Variants in USP45 observed in about 807,000 individuals in gnomAD.
The protein encoded by USP45 is ubiquitin specific peptidase 45.
USP45 carries 89 observed loss-of-function variants against 95.8 expected under a neutral mutation model. The observed-to-expected ratio is 0.93, with a 90% CI of 0.78 to 1.11. The LOEUF is 1.11. Ranked by LOEUF, USP45 falls within the 50% of genes least tolerant of loss-of-function variation. The pLI is 0.00. For synonymous variants in USP45, 281 were observed against 316.2 expected, an observed-to-expected ratio of 0.89 and a Z score of 1.18; for missense variants, 898 against 942.5, an observed-to-expected ratio of 0.95 and a Z score of 0.62.
At chr6:99,503,546 GCT>G in intron 5 of USP45, among the ~76,000 whole-genome samples, 1 of 152,178 alleles carries the variant, frequency 6.6e-6, no homozygotes, top group South Asian at 2.1e-4. Context: ...TGGCCAGGCT[GCT>G]CTCAAACCCT....
chr6:99,452,431 C>G (rs1173072933), intron 13 of USP45, among the ~76,000 whole-genome samples: 3 of 152,196 alleles, frequency 2.0e-5, no homozygotes, highest in African/African-American at 7.2e-5. Context: ...AAAAAATGCT[C>G]ATCATCACTG....
intron 10 of USP45, among the ~76,000 whole-genome samples, chr6:99,467,331 G>T (rs1236377917): frequency 2.0e-5 from 3 of 151,988 alleles, no homozygotes; most frequent in Non-Finnish European, 4.4e-5. Context: ...AACCATGAAC[G>T]CAGTTTAAGT....
chr6:99,481,834 G>C (rs1288968202), intron 8 of USP45, among the ~76,000 whole-genome samples: 1 of 151,952 alleles, frequency 6.6e-6, no homozygotes, highest in Non-Finnish European at 1.5e-5. Flanking sequence ...TTGTCGCAAA[G>C]AATATGATTT....
intron 13 of USP45, chr6:99,461,677 A>G: frequency 2.0e-6 from 2 of 984,512 alleles, no homozygotes; most frequent in Non-Finnish European, 2.4e-6. Context: ...TTTTAATGAG[A>G]TAACTCATAT....
intron 5 of USP45, among the ~76,000 whole-genome samples, chr6:99,499,309 C>T (rs967013194): frequency 6.6e-6 from 1 of 152,134 alleles, no homozygotes; most frequent in African/African-American, 2.4e-5. Context: ...TTTCATATTC[C>T]TTTTATCATA....
chr6:99,474,091 CCTTA>C (rs1790200790), intron 9 of USP45, among the ~76,000 whole-genome samples: 1 of 152,074 alleles, frequency 6.6e-6, no homozygotes, highest in African/African-American at 2.4e-5. Flanking sequence ...TTAACTCAAT[CCTTA>C]CTTTTAAAGG....
At chr6:99,489,082 A>G (rs9399192) in intron 5 of USP45, among the ~76,000 whole-genome samples, 120,686 of 152,086 alleles carry the variant, frequency 0.79, 48,170 homozygotes, top group East Asian at 0.99. Flanking sequence ...ACTAAATGTA[A>G]AAGAACAGTC....
At chr6:99,456,241 G>C (rs893235361) in intron 13 of USP45, among the ~76,000 whole-genome samples, 6 of 151,574 alleles carry the variant, frequency 4.0e-5, no homozygotes, top group African/African-American at 1.2e-4. Flanking sequence ...AAGCTAAAAA[G>C]AGAGGTATGT....
intron 9 of USP45, among the ~76,000 whole-genome samples, 190 bp downstream of exon 9, chr6:99,475,953 T>A (rs1344679924): frequency 6.6e-6 from 1 of 152,136 alleles, no homozygotes; most frequent in African/African-American, 2.4e-5. Context: ...GCCTGCCAAG[T>A]AGCTGGAATT....
chr6:99,507,382 G>T, intron 4 of USP45, 46 bp downstream of exon 4: 1 of 1,159,120 alleles, frequency 8.6e-7, no homozygotes, highest in Non-Finnish European at 1.2e-6. Flanking sequence ...AAAAAAATTG[G>T]GGGGCTGTGG....
intron 15 of USP45, among the ~76,000 whole-genome samples, chr6:99,441,770 T>C (rs1260358979): frequency 1.3e-5 from 2 of 152,230 alleles, no homozygotes; most frequent in Non-Finnish European, 2.9e-5. Context: ...CTGGACTTTG[T>C]ACTTCTAGAA....
At position 99,491,756 on chromosome 6, in the gene USP45, CT is replaced by C. The variant is rs533954676; in HGVS notation, c.479-2937del. ...AACAAATATGACTCCTCAAAAATAT[CT>C]TTTTTTTTTTGGCTTCTTCCAAAAC... is the stretch of plus-strand genomic sequence containing the variant. On this transcript the variant is annotated intron_variant, in intron 5 of 17. Transcript: ENST00000500704. Among the ~76,000 whole-genome samples the C allele has an allele frequency of 3.0e-3, 437 of 145,790 alleles. 3 individuals carry two copies. Among genetic ancestry groups the C allele is most frequent in the East Asian group, 7.1e-3 (36 of 5,038 alleles).
intron 13 of USP45, chr6:99,461,087 G>A (rs954927255): frequency 3.0e-6 from 3 of 984,730 alleles, no homozygotes; most frequent in African/African-American, 3.5e-5. Flanking sequence ...TCTGGCAGAA[G>A]TATTAAGGTT....
intron 1 of USP45, among the ~76,000 whole-genome samples, chr6:99,511,287 G>A (rs1799720970): frequency 6.6e-6 from 1 of 151,970 alleles, no homozygotes; most frequent in South Asian, 2.1e-4. Context: ...AAGTAGCTGG[G>A]ATTACAGGCG....
In USP45 at chr6:99,475,077, T is replaced by C. The variant is rs572774625; in HGVS notation, c.933+1066A>G. 1.2e-3 allele frequency among the ~76,000 whole-genome samples: 176 copies of C among 152,170 alleles called. 1 individual carries two copies. The highest frequency in any genetic ancestry group is 1.2e-3 in the Non-Finnish European group (80 of 68,038). On this transcript the variant is annotated intron_variant, in intron 9 of 17. Coordinates refer to ENST00000500704, the MANE Select transcript of USP45 (RefSeq NM_001346022.3). Reference sequence around the variant, plus strand: ...TGGAATTTAATCCAACATGGAATAATGAAGTTTCTGTCTACTGGGAATTTA... The same window carrying C: ...TGGAATTTAATCCAACATGGAATAACGAAGTTTCTGTCTACTGGGAATTTA...
intron 10 of USP45, among the ~76,000 whole-genome samples, chr6:99,467,121 G>A (rs898147385): frequency 5.9e-5 from 9 of 152,162 alleles, no homozygotes; most frequent in East Asian, 3.9e-4. Context: ...TCAGGACTAC[G>A]GATGCCAGGA....
At chr6:99,443,479 A>G in intron 15 of USP45, 86 bp downstream of exon 15, 1 of 832,650 alleles carries the variant, frequency 1.2e-6, no homozygotes. Flanking sequence ...GTTACTGGTT[A>G]TTGTCTAATT....
At chr6:99,443,788 G>A (rs1443543066) in intron 14 of USP45, 126 bp from the exon 15 acceptor site, 2 of 615,830 alleles carry the variant, frequency 3.2e-6, no homozygotes, top group Non-Finnish European at 5.3e-6. Flanking sequence ...GACTTCTGAT[G>A]AAAGGACAGT....
chr6:99,503,723 C>T, intron 5 of USP45, 42 bp downstream of exon 5: 2 of 1,303,024 alleles, frequency 1.5e-6, no homozygotes, highest in African/African-American at 1.5e-5. Flanking sequence ...ATATGAAATA[C>T]TGTATTTTAA....
Sources: gnomAD v4.1 joint callset for allele counts (sites outside exome capture counted in the v4.1 genomes callset) on GRCh38, gnomAD v4.1.1 for gene constraint, MANE v1.5 for transcripts, NCBI Gene and HGNC (gene_info 2026-07-23, HGNC 2026-07-21) for gene names.